SHISA6: variants seen among roughly 807,000 people sequenced by gnomAD.
SHISA6 encodes the protein shisa family member 6.
SHISA6 carries 22 observed loss-of-function variants against 47.9 expected under a neutral mutation model. The ratio of observed to expected loss-of-function variants is 0.46; its 90% confidence interval spans 0.33 to 0.66. The LOEUF is 0.66. Among genes scored for constraint, SHISA6 ranks in the 30% least tolerant of loss-of-function variants. The pLI, the probability that SHISA6 is intolerant of heterozygous loss-of-function variation, is 0.02. For missense variants in SHISA6, 680 were observed against 764.6 expected, an observed-to-expected ratio of 0.89 and a Z score of 1.30; for synonymous variants, 388 against 337.8, an observed-to-expected ratio of 1.15 and a Z score of -1.63.
intron 2 of SHISA6, among the ~76,000 whole-genome samples, chr17:11,294,163 C>T (rs955445816): frequency 2.0e-5 from 3 of 151,940 alleles, no homozygotes; most frequent in Non-Finnish European, 4.4e-5. Flanking sequence ...GGATTACAGG[C>T]ATGAGCCACC....
intron 3 of SHISA6, among the ~76,000 whole-genome samples, chr17:11,472,753 C>T (rs1915963281): frequency 6.6e-6 from 1 of 152,202 alleles, no homozygotes; most frequent in Non-Finnish European, 1.5e-5. Context: ...CCACCAAACT[C>T]TCTCCCAAAG....
At chr17:11,328,685 A>T (rs1460240933) in intron 2 of SHISA6, among the ~76,000 whole-genome samples, 2 of 152,244 alleles carry the variant, frequency 1.3e-5, no homozygotes, top group African/African-American at 4.8e-5. Context: ...TCTCTTGTGG[A>T]TCTTACATTC....
At chr17:11,323,332 T>C (rs1485924313) in intron 2 of SHISA6, among the ~76,000 whole-genome samples, 1 of 152,150 alleles carries the variant, frequency 6.6e-6, no homozygotes, top group Non-Finnish European at 1.5e-5. Flanking sequence ...TTCAAGGTCA[T>C]TGTCCTCATA....
At chr17:11,326,010 C>G (rs1910873842) in intron 2 of SHISA6, among the ~76,000 whole-genome samples, 1 of 152,218 alleles carries the variant, frequency 6.6e-6, no homozygotes, top group Non-Finnish European at 1.5e-5. Flanking sequence ...GTGGCTCACG[C>G]CTGTAATCCC....
chr17:11,318,635 G>A (rs761735212), intron 2 of SHISA6, among the ~76,000 whole-genome samples: 7 of 152,164 alleles, frequency 4.6e-5, no homozygotes, highest in Non-Finnish European at 1.0e-4. Context: ...TATGTGTTTA[G>A]GTATAATATC....
chr17:11,393,516 C>A (rs535853567), intron 3 of SHISA6, among the ~76,000 whole-genome samples: 101 of 152,168 alleles, frequency 6.6e-4, no homozygotes, highest in Non-Finnish European at 1.2e-3. Flanking sequence ...CAAATTTGCT[C>A]CAATGTACCT....
At chr17:11,301,144 C>T (rs1909913506) in intron 2 of SHISA6, among the ~76,000 whole-genome samples, 1 of 152,096 alleles carries the variant, frequency 6.6e-6, no homozygotes, top group Non-Finnish European at 1.5e-5. Flanking sequence ...AGCCCGGTAG[C>T]AGACCCCTTT....
At chr17:11,539,821 G>GGGCACTGTGCC (rs2142377938) in intron 3 of SHISA6, among the ~76,000 whole-genome samples, 1 of 152,334 alleles carries the variant, frequency 6.6e-6, no homozygotes, top group South Asian at 2.1e-4. Context: ...CAGGAAGGCT[G>GGGCACTGTGCC]ATATCCCTGA....
At chr17:11,441,905 A>G (rs1309556923) in intron 3 of SHISA6, among the ~76,000 whole-genome samples, 1 of 152,090 alleles carries the variant, frequency 6.6e-6, no homozygotes, top group Non-Finnish European at 1.5e-5. Context: ...CAGACACTTC[A>G]CCTTTGCAAA....
intron 1 of SHISA6, among the ~76,000 whole-genome samples, chr17:11,256,385 A>G (rs1908007608): frequency 6.6e-6 from 1 of 152,098 alleles, no homozygotes; most frequent in South Asian, 2.1e-4. Flanking sequence ...AATCCCAGCT[A>G]CTCGGGAAGC....
intron 1 of SHISA6, among the ~76,000 whole-genome samples, chr17:11,250,432 C>T (rs1907756614): frequency 6.6e-6 from 1 of 152,210 alleles, no homozygotes; most frequent in Admixed American, 6.5e-5. Flanking sequence ...TTTATCACCA[C>T]TCGCTCCACC....
At chr17:11,505,517 G>C (rs1052289502) in intron 3 of SHISA6, among the ~76,000 whole-genome samples, 2 of 152,130 alleles carry the variant, frequency 1.3e-5, no homozygotes, top group African/African-American at 4.8e-5. Context: ...ACATAGTCTA[G>C]AATACACTGA....
chr17:11,495,013 G>A (rs146411886), intron 3 of SHISA6, among the ~76,000 whole-genome samples: 196 of 152,192 alleles, frequency 1.3e-3, no homozygotes, highest in Middle Eastern at 6.8e-3. Context: ...GGCTACATCC[G>A]CCCAGTCATG....
intron 3 of SHISA6, among the ~76,000 whole-genome samples, chr17:11,403,426 A>T (rs1017183590): frequency 6.6e-6 from 1 of 152,240 alleles, no homozygotes; most frequent in Non-Finnish European, 1.5e-5. Flanking sequence ...TGTCAGATTC[A>T]GGGACCCACC....
rs2072007627 is a variant in SHISA6, at chr17:11,558,590, TC to T, written c.*287del. ...GCCCCATTCTCACCCCCGACCACCT[TC>T]ACCAACTCCCTTTCCGTCCCGCGCC... On this transcript the variant is annotated 3_prime_UTR_variant, in exon 6 of 6. Coordinates refer to ENST00000441885, the MANE Select transcript of SHISA6 (RefSeq NM_207386.4). The T allele has an allele frequency of 2.2e-6, 1 of 463,642 alleles. No homozygotes were observed. The highest frequency in any genetic ancestry group is 3.9e-6 in the Non-Finnish European group (1 of 257,610). The allele number at this position is 463,642 out of a possible 1,614,324, so 28.7% of individuals were successfully genotyped here. A position where few individuals can be genotyped will look rare whatever the true frequency, so the allele number is the denominator to read the frequency against.
intron 3 of SHISA6, among the ~76,000 whole-genome samples, chr17:11,527,814 A>C (rs1189514314): frequency 6.6e-6 from 1 of 152,190 alleles, no homozygotes; most frequent in Admixed American, 6.5e-5. Flanking sequence ...ACACACAAAA[A>C]AAATTGTCAA....
intron 4 of SHISA6, among the ~76,000 whole-genome samples, chr17:11,554,146 A>G (rs1437424068): frequency 6.6e-6 from 1 of 152,224 alleles, no homozygotes; most frequent in Non-Finnish European, 1.5e-5. Context: ...CAGCATAGCC[A>G]AAGTGAAGAG....
chr17:11,311,456 G>T (rs1910340040), intron 2 of SHISA6, among the ~76,000 whole-genome samples: 1 of 152,112 alleles, frequency 6.6e-6, no homozygotes, highest in South Asian at 2.1e-4. Context: ...AAATGCATTG[G>T]AAAATGTATT....
Position 11,555,898 on chromosome 17 carries a change from T to A in SHISA6, c.1105+6T>A. 1 of 1,516,092 alleles carries A rather than the reference T, an allele frequency of 6.6e-7. No individual in the cohort carries two copies. Among genetic ancestry groups the A allele is most frequent in the Non-Finnish European group, 8.9e-7 (1 of 1,129,166 alleles). The allele number at this position is 1,516,092 out of a possible 1,614,324, so 93.9% of individuals were successfully genotyped here. On this transcript the variant is annotated splice_donor_region_variant and intron_variant, in intron 5 of 5. Coordinates refer to ENST00000441885, the MANE Select transcript of SHISA6 (RefSeq NM_207386.4). ...TTCATCTCTGAAGAGGCTAAGTAAG[T>A]TGAATTTCCCCCAAGTTGGGGTCTG...
Sources: gnomAD v4.1 joint callset for allele counts (sites outside exome capture counted in the v4.1 genomes callset) on GRCh38, gnomAD v4.1.1 for gene constraint, MANE v1.5 for transcripts, NCBI Gene and HGNC (gene_info 2026-07-23, HGNC 2026-07-21) for gene names.